Variants in KAT6A observed in about 807,000 individuals in gnomAD.
KAT6A encodes lysine acetyltransferase 6A.
In KAT6A, 9 loss-of-function variants were observed where a neutral mutation model predicts 198.4. That is an observed-to-expected ratio of 0.05 (90% CI 0.03 to 0.08). The LOEUF is 0.08. KAT6A is among the 10% of genes least tolerant of loss of function. The probability of loss-of-function intolerance (pLI) is 1.00; values close to 1 mark genes in which losing one functional copy is unlikely to be tolerated. For missense variants in KAT6A, 2,077 were observed against 2,509.9 expected (o/e 0.83, Z 3.69); for synonymous variants, 890 against 883.0 (o/e 1.01, Z -0.14).
chr8:41,992,312 C>T (rs975434296), intron 2 of KAT6A, among the ~76,000 whole-genome samples: 3 of 152,014 alleles, frequency 2.0e-5, no homozygotes, highest in Non-Finnish European at 4.4e-5. Flanking sequence ...AGTCACAGGA[C>T]CAACAAACTG....
In KAT6A at chr8:42,049,212, A is replaced by C; in HGVS notation, c.-235T>G. 1 of 503,838 alleles carries C rather than the reference A, an allele frequency of 2.0e-6. No homozygotes were observed. Among genetic ancestry groups the C allele is most frequent in the Non-Finnish European group, 3.5e-6 (1 of 286,924 alleles). 31.2% of individuals were successfully genotyped at this position (503,838 alleles called of 1,614,324 possible). Reference sequence around the variant, plus strand: ...TTCCAACTTCCCAATGAATTTCTCAATAGCACCACACATGGGTCTCGTCAT... The same window carrying C: ...TTCCAACTTCCCAATGAATTTCTCACTAGCACCACACATGGGTCTCGTCAT... On this transcript the variant is annotated 5_prime_UTR_variant, in exon 2 of 17. Transcript: ENST00000265713.
chr8:41,937,334 C>A lies in KAT6A; in HGVS notation c.3274G>T (p.Asp1092Tyr), dbSNP rs768335856. The A allele has an allele frequency of 2.5e-6, 4 of 1,614,098 alleles. No individual in the cohort carries two copies. The highest frequency in any genetic ancestry group is 3.4e-6 in the Non-Finnish European group (4 of 1,179,968). ...GAAGAGGACTGACACCTGAGTACAT[C>A]CTGCGAAGACAAACGACGGAAGTAT... ...REYFRRLSSQ[D>Y]VLRCQSSSKR... is the part of the protein sequence containing the mutation. Residue 1092 changes from aspartate to tyrosine, a missense_variant, in exon 16 of 17, where the codon GAT becomes TAT. Asp to Tyr is a radical substitution (Grantham distance 160). Around this residue, in one of 13 missense-constraint regions of KAT6A, gnomAD observed 375 missense variants for 383.0 expected, o/e 0.98. Coordinates refer to ENST00000265713, the MANE Select transcript of KAT6A (RefSeq NM_006766.5).
chr8:42,011,909 A>G (rs1826038694), intron 2 of KAT6A, among the ~76,000 whole-genome samples: 1 of 151,968 alleles, frequency 6.6e-6, no homozygotes, highest in East Asian at 1.9e-4. Context: ...AAAAAAAAAA[A>G]AGAATAACAA....
rs189548665 is a variant in KAT6A, at chr8:42,015,417, C to A, written c.601-27854G>T. On this transcript the variant is annotated intron_variant, in intron 2 of 16. Coordinates refer to ENST00000265713, the MANE Select transcript of KAT6A (RefSeq NM_006766.5). ...CAGATCCTATACAAAGTCTTTCTTG[C>A]CTTAAGTTCAGAATACAAATTACTG... Among the ~76,000 whole-genome samples the A allele has an allele frequency of 3.9e-5, 6 of 152,310 alleles. No individual in the cohort carries two copies. The East Asian group carries it at 1.2e-3, about 29-fold the overall frequency.
At chr8:41,992,451 A>G (rs1824994446) in intron 2 of KAT6A, among the ~76,000 whole-genome samples, 1 of 152,204 alleles carries the variant, frequency 6.6e-6, no homozygotes, top group Non-Finnish European at 1.5e-5. Flanking sequence ...AAATGTAATA[A>G]AAGAGATTGG....
chr8:41,954,034 C>T (rs1390948131), intron 9 of KAT6A, among the ~76,000 whole-genome samples: 1 of 152,148 alleles, frequency 6.6e-6, no homozygotes, highest in African/African-American at 2.4e-5. Flanking sequence ...TAACTGATCC[C>T]ACAGTAAATG....
intron 8 of KAT6A, among the ~76,000 whole-genome samples, chr8:41,956,648 G>A (rs778046059): frequency 4.6e-5 from 7 of 152,176 alleles, no homozygotes; most frequent in Non-Finnish European, 7.3e-5. Context: ...ATACTGGAAT[G>A]TAGCCAAATG....
At position 41,974,741 on chromosome 8, in the gene KAT6A, A is replaced by T. The variant is rs138707191; in HGVS notation, c.1445T>A (p.Met482Lys). ...GSQEIMTEKDMELFRDIQEQA... is the reference protein window; with the variant it reads ...GSQEIMTEKDKELFRDIQEQA... ...TTCTTGGATATCACGAAATAATTCCATATCTTTCTCAGTCATGATTTCCTG... is the reference window on the plus strand; with the variant it reads ...TTCTTGGATATCACGAAATAATTCCTTATCTTTCTCAGTCATGATTTCCTG... Residue 482 changes from methionine to lysine, a missense_variant, in exon 8 of 17, where the codon ATG (methionine) becomes AAG (lysine). Met to Lys is a moderately conservative substitution (Grantham distance 95). Transcript: ENST00000265713. The T allele has an allele frequency of 9.8e-4, 1,578 of 1,610,254 alleles. 3 individuals are homozygous for T. The highest frequency in any genetic ancestry group is 7.2e-4 in the Non-Finnish European group (853 of 1,178,044).
At chr8:41,990,369 G>A (rs1330779684) in intron 2 of KAT6A, among the ~76,000 whole-genome samples, 2 of 152,154 alleles carry the variant, frequency 1.3e-5, no homozygotes, top group Non-Finnish European at 2.9e-5. Flanking sequence ...TTTGGGGAGA[G>A]AAGCATAGTA....
intron 12 of KAT6A, among the ~76,000 whole-genome samples, chr8:41,944,399 T>C (rs1822281026): frequency 6.6e-6 from 1 of 152,230 alleles, no homozygotes; most frequent in African/African-American, 2.4e-5. Flanking sequence ...ATTGTAGTTC[T>C]GTCAGTGAAT....
intron 2 of KAT6A, among the ~76,000 whole-genome samples, chr8:42,045,171 A>C (rs1026320235): frequency 6.6e-6 from 1 of 152,228 alleles, no homozygotes; most frequent in African/African-American, 2.4e-5. Context: ...AATTGAATAG[A>C]TACTATCATG....
At position 41,941,362 on chromosome 8, in the gene KAT6A, G is replaced by C; in HGVS notation, c.2519C>G (p.Pro840Arg). 1 of 1,611,928 alleles carries C rather than the reference G, an allele frequency of 6.2e-7. No individual in the cohort carries two copies. Among genetic ancestry groups the C allele is most frequent in the South Asian group, 1.1e-5 (1 of 91,052 alleles). Residue 840 changes from proline to arginine, a missense_variant, in exon 15 of 17, where the codon CCA (proline) becomes CGA (arginine). Pro to Arg is a moderately radical substitution (Grantham distance 103, BLOSUM62 -2). Transcript: ENST00000265713. ...ESEKKPEVMA[P>R]VSSTRLSKQV... ...TTTGCTCAAACGTGTAGAACTGACT[G>C]GAGCCATAACTTCTGGTTTCTTTTC...
In KAT6A at chr8:41,930,824, T is replaced by C. The variant is rs761976255; in HGVS notation, c.*1381A>G. 1 of 193,706 alleles carries C rather than the reference T, an allele frequency of 5.2e-6. No homozygotes were observed. Among genetic ancestry groups the C allele is most frequent in the Non-Finnish European group, 1.1e-5 (1 of 94,924 alleles). The allele number at this position is 193,706 out of a possible 1,614,324, so 12.0% of individuals were successfully genotyped here. On this transcript the variant is annotated 3_prime_UTR_variant, in exon 17 of 17. Transcript: ENST00000265713. ...TTGCACGAGAGAAAAGAGAATGGAG[T>C]TGGGAGCAACACATGAACTTGCGTT... is the stretch of plus-strand genomic sequence containing the variant.
At chr8:42,024,316 A>G (rs1022633696) in intron 2 of KAT6A, among the ~76,000 whole-genome samples, 2 of 152,122 alleles carry the variant, frequency 1.3e-5, no homozygotes, top group Non-Finnish European at 2.9e-5. Flanking sequence ...CACTGTAATA[A>G]TTTTTAATAT....
chr8:41,929,959 T>A lies in KAT6A; in HGVS notation c.*2246A>T, dbSNP rs911373149. ...CTTTTTTAGAAGATTACCCAAGTTATCTTGCTAAAAATACATTTTTTTTAA... is the reference window on the plus strand; with the variant it reads ...CTTTTTTAGAAGATTACCCAAGTTAACTTGCTAAAAATACATTTTTTTTAA... On this transcript the variant is annotated 3_prime_UTR_variant, in exon 17 of 17. Transcript: ENST00000265713. 3.2e-5 allele frequency: 7 copies of A among 218,938 alleles called. No individual in the cohort carries two copies. Among genetic ancestry groups the A allele is most frequent in the Non-Finnish European group, 5.5e-5 (6 of 109,066 alleles). The allele number at this position is 218,938 out of a possible 1,614,324, so 13.6% of individuals were successfully genotyped here.
intron 3 of KAT6A, among the ~76,000 whole-genome samples, chr8:41,986,764 G>T (rs368505971): frequency 8.5e-5 from 13 of 152,222 alleles, no homozygotes; most frequent in African/African-American, 2.9e-4. Flanking sequence ...ATGGCCGGGT[G>T]TGGTGGCTCA....
At position 41,931,549 on chromosome 8, in the gene KAT6A, G is replaced by A. The variant is rs1206887270; in HGVS notation, c.*656C>T. 1 of 205,842 alleles carries A rather than the reference G, an allele frequency of 4.9e-6. No individual in the cohort carries two copies. The highest frequency in any genetic ancestry group is 6.0e-5 in the Admixed American group (1 of 16,794). 12.8% of individuals were successfully genotyped at this position (205,842 alleles called of 1,614,324 possible). A position where few individuals can be genotyped will look rare whatever the true frequency, so the allele number is the denominator to read the frequency against. ...GTCCGTCTATAAAGAAACATTCTTG[G>A]GGAAGGGTTTCAAGAGGTGTGTGTG... is the stretch of plus-strand genomic sequence containing the variant. On this transcript the variant is annotated 3_prime_UTR_variant, in exon 17 of 17. Transcript: ENST00000265713.
At position 41,933,745 on chromosome 8, in the gene KAT6A, T is replaced by C. The variant is rs371143386; in HGVS notation, c.4475A>G (p.Gln1492Arg). 6.2e-6 allele frequency: 10 copies of C among 1,613,992 alleles called. No homozygotes were observed. The highest frequency in any genetic ancestry group is 7.6e-6 in the Non-Finnish European group (9 of 1,180,018). ...GGGACTGCTGACCGAACGGACTGAC[T>C]GGCTGGGGTGAGACTGAACGGAGGA... is the stretch of plus-strand genomic sequence containing the variant. ...PISSVQSHPS[Q>R]SVRSVSSPNV... Residue 1492 changes from glutamine (Q) to arginine (R), a missense_variant, in exon 17 of 17, where the codon CAG (glutamine) becomes CGG (arginine). Coordinates refer to ENST00000265713, the MANE Select transcript of KAT6A (RefSeq NM_006766.5). This position sits in a 1 kb window ranked among gnomAD's most constrained non-coding sequence, Gnocchi z 6.2.
At chr8:41,949,393 G>C (rs1822560191) in intron 9 of KAT6A, 30 bp from the exon 10 acceptor site, 3 of 1,442,696 alleles carry the variant, frequency 2.1e-6, no homozygotes, top group African/African-American at 1.5e-5. Flanking sequence ...AAAAAAGACA[G>C]GGCTTTATAT....
Sources: gnomAD v4.1 joint callset for allele counts (sites outside exome capture counted in the v4.1 genomes callset) on GRCh38, gnomAD v4.1.1 for gene constraint, gnomAD v4.1.1 regional missense constraint, Gnocchi (gnomAD v3.1) non-coding constraint, MANE v1.5 for transcripts, NCBI Gene and HGNC (gene_info 2026-07-23, HGNC 2026-07-21) for gene names.